The following PRPF19 variants were observed in gnomAD, a reference collection of about 807,000 sequenced individuals.
PRPF19 encodes pre-mRNA-processing factor 19.
In PRPF19, 2 loss-of-function variants were observed where a neutral mutation model predicts 64.2. The observed-to-expected ratio is 0.03, with a 90% CI of 0.01 to 0.10. The LOEUF (loss-of-function observed/expected upper bound fraction) is 0.10. Ranked by LOEUF, PRPF19 falls within the 10% of genes least tolerant of loss-of-function variation. The pLI, the probability that PRPF19 is intolerant of heterozygous loss-of-function variation, is 1.00. For missense variants in PRPF19, 314 were observed against 650.0 expected (o/e 0.48, Z 5.62); for synonymous variants, 226 against 251.6 (o/e 0.90, Z 0.96).
rs770338945 is a variant in PRPF19, at chr11:60,906,328, TCCTGAGA to T, written c.19+29_19+35del. 1.1e-4 allele frequency: 177 copies of T among 1,589,178 alleles called. 1 individual carries two copies. Among genetic ancestry groups the T allele is most frequent in the Admixed American group, 3.6e-4 (21 of 58,026 alleles). The stretch of plus-strand genomic sequence containing the variant: ...CACGCTCCCGCGCCGCTCTCTGGCC[TCCTGAGA>T]CCCGCGCTTGGCCGCAGCCAACACT... On this transcript the variant is annotated intron_variant, in intron 1 of 15. Transcript: ENST00000227524.
intron 15 of PRPF19, among the ~76,000 whole-genome samples, chr11:60,892,842 G>A (rs566388488): frequency 6.6e-6 from 1 of 152,270 alleles, no homozygotes; most frequent in African/African-American, 2.4e-5. Flanking sequence ...GCCAGTCTTT[G>A]TCACAGACTG....
At position 60,894,130 on chromosome 11, in the gene PRPF19, T is replaced by A. The variant is rs184026781; in HGVS notation, c.1418-2867A>T. ...GATGGCTGCTAACTGACAAGGGTGG[T>A]GTTTGCTGAAGGCTGAAGTGGCTGT... On this transcript the variant is annotated intron_variant, in intron 15 of 15. Transcript: ENST00000227524. 2.0e-4 allele frequency among the ~76,000 whole-genome samples: 31 copies of A among 152,312 alleles called. No homozygotes were observed. In the East Asian group the frequency reaches 3.5e-3, roughly 17 times the overall value.
At chr11:60,906,269 C>T in intron 1 of PRPF19, 95 bp downstream of exon 1, 1 of 1,481,280 alleles carries the variant, frequency 6.8e-7, no homozygotes, top group Non-Finnish European at 8.9e-7. Flanking sequence ...CCATTCCCGC[C>T]TCCACCCCGG....
At position 60,890,884 on chromosome 11, in the gene PRPF19, T is replaced by G; in HGVS notation, c.*282A>C. 3.6e-6 allele frequency: 2 copies of G among 555,244 alleles called. No individual in the cohort carries two copies. The highest frequency in any genetic ancestry group is 6.9e-6 in the Non-Finnish European group (2 of 291,754). 34.4% of individuals were successfully genotyped at this position (555,244 alleles called of 1,614,324 possible). The stretch of plus-strand genomic sequence containing the variant: ...TGTGGAACAGCCACCACCACGTCCA[T>G]TGAACGACAGGAAGGGAGAGGCCCT... On this transcript the variant is annotated 3_prime_UTR_variant, in exon 16 of 16. Coordinates refer to ENST00000227524, the MANE Select transcript of PRPF19 (RefSeq NM_014502.5).
rs778276626 is a variant in PRPF19 at position 60,903,442 on chromosome 11, C to A, written c.246+17G>T. On this transcript the variant is annotated intron_variant, in intron 3 of 15. Coordinates refer to ENST00000227524, the MANE Select transcript of PRPF19 (RefSeq NM_014502.5). ...TCTTCAAGTGGGGAAGATGCTGATT[C>A]TCTTGCAGGAACTCACCCACTCATC... 2.5e-6 allele frequency: 4 copies of A among 1,605,784 alleles called. No individual in the cohort carries two copies. In the Admixed American group the frequency reaches 5.0e-5, roughly 20 times the overall value.
chr11:60,892,654 T>G (rs975432453), intron 15 of PRPF19, among the ~76,000 whole-genome samples: 1 of 152,100 alleles, frequency 6.6e-6, no homozygotes, highest in African/African-American at 2.4e-5. Context: ...TACCCCAAAG[T>G]ATGGTGGTTT....
chr11:60,903,911 C>T, intron 1 of PRPF19, 50 bp from the exon 2 acceptor site: 1 of 1,583,502 alleles, frequency 6.3e-7, no homozygotes, highest in Non-Finnish European at 8.5e-7. Flanking sequence ...AATCTTGGGC[C>T]TAGAGGATTC....
Position 60,891,080 on chromosome 11 carries a change from C to CCA in PRPF19, c.*85_*86insTG. 2 of 185,966 alleles carry CCA rather than the reference C, an allele frequency of 1.1e-5. No individual in the cohort carries two copies. The highest frequency in any genetic ancestry group is 1.6e-3 in the Middle Eastern group (1 of 612). 11.5% of individuals were successfully genotyped at this position (185,966 alleles called of 1,614,324 possible). A position where few individuals can be genotyped will look rare whatever the true frequency, so the allele number is the denominator to read the frequency against. ...CCCACCCCACAGAGCCCCCTCCCCC[C>CCA]ATAGATTCCCCCCACCCCCCCCCCC... On this transcript the variant is annotated 3_prime_UTR_variant, in exon 16 of 16. Coordinates refer to ENST00000227524, the MANE Select transcript of PRPF19 (RefSeq NM_014502.5).
At chr11:60,899,125 C>T (rs760239434) in intron 11 of PRPF19, 24 bp downstream of exon 11, 2 of 1,603,782 alleles carry the variant, frequency 1.2e-6, no homozygotes, top group East Asian at 4.5e-5. Flanking sequence ...GCAGGCCTCT[C>T]CAGGGCACTG....
Position 60,890,986 on chromosome 11 carries a change from G to T in PRPF19, c.*180C>A, listed in dbSNP as rs1429667506. The T allele has an allele frequency of 3.2e-6, 2 of 624,896 alleles. No individual in the cohort carries two copies. Among genetic ancestry groups the T allele is most frequent in the Non-Finnish European group, 5.8e-6 (2 of 347,338 alleles). The allele number at this position is 624,896 out of a possible 1,614,324, so 38.7% of individuals were successfully genotyped here. A position where few individuals can be genotyped will look rare whatever the true frequency, so the allele number is the denominator to read the frequency against. On this transcript the variant is annotated 3_prime_UTR_variant, in exon 16 of 16. Coordinates refer to ENST00000227524, the MANE Select transcript of PRPF19 (RefSeq NM_014502.5). ...TTCCCATGGGGCCTGGAGTTGCATG[G>T]ATGAGGGTGGTCCATGCCACCATGG...
Position 60,902,994 on chromosome 11 carries a change from C to T in PRPF19, c.247-113G>A. 6.8e-7 allele frequency: 1 copy of T among 1,471,346 alleles called. No individual in the cohort carries two copies. Among genetic ancestry groups the T allele is most frequent in the Non-Finnish European group, 9.1e-7 (1 of 1,104,434 alleles). 91.1% of individuals were successfully genotyped at this position (1,471,346 alleles called of 1,614,324 possible). ...CCTATCCCAGAGCCTAGACCAGTAT[C>T]AGTGACCCAAACAATATCCGAGCAA... On this transcript the variant is annotated intron_variant, in intron 3 of 15. Transcript: ENST00000227524. This position sits in a 1 kb window ranked among gnomAD's most constrained non-coding sequence, Gnocchi z 5.0.
intron 10 of PRPF19, 109 bp from the exon 11 acceptor site, chr11:60,899,413 C>T: frequency 8.3e-7 from 1 of 1,208,374 alleles, no homozygotes; most frequent in South Asian, 1.5e-5. Context: ...ATTGCTTCTC[C>T]TTTCAGCTCT....
chr11:60,902,336 G>A lies in PRPF19; in HGVS notation c.525+67C>T, dbSNP rs1855991527. On this transcript the variant is annotated intron_variant, in intron 6 of 15. Coordinates refer to ENST00000227524, the MANE Select transcript of PRPF19 (RefSeq NM_014502.5). This position sits in a 1 kb window ranked among gnomAD's most constrained non-coding sequence, Gnocchi z 5.0. ...AAAGCACAGTGATTTTAGTCACGAT[G>A]GACTCCAGACAGATGGTGAAAAGTA... The A allele has an allele frequency of 6.5e-7, 1 of 1,526,894 alleles. No homozygotes were observed. The highest frequency in any genetic ancestry group is 9.1e-7 in the Non-Finnish European group (1 of 1,104,004). 94.6% of individuals were successfully genotyped at this position (1,526,894 alleles called of 1,614,324 possible).
chr11:60,900,732 A>G, intron 9 of PRPF19, 41 bp from the exon 10 acceptor site: 5 of 1,561,926 alleles, frequency 3.2e-6, no homozygotes, highest in Non-Finnish European at 4.4e-6. Context: ...AGTCAGGCCC[A>G]CCCAGGCCCT....
At chr11:60,899,874 C>T (rs1364961730) in intron 10 of PRPF19, among the ~76,000 whole-genome samples, 1 of 152,138 alleles carries the variant, frequency 6.6e-6, no homozygotes. Flanking sequence ...AAAATAACTA[C>T]CATCTTTTTT....
chr11:60,899,008 G>A (rs1249739775), intron 11 of PRPF19, 77 bp from the exon 12 acceptor site: 3 of 1,508,876 alleles, frequency 2.0e-6, no homozygotes, highest in Non-Finnish European at 2.7e-6. Context: ...GCAAGACAGA[G>A]CCCCTGGTTT....
chr11:60,897,055 C>T (rs1310125032), intron 15 of PRPF19, among the ~76,000 whole-genome samples: 3 of 152,156 alleles, frequency 2.0e-5, no homozygotes, highest in Non-Finnish European at 4.4e-5. Context: ...TCTACAGCAG[C>T]GTACAGTAAT....
intron 15 of PRPF19, among the ~76,000 whole-genome samples, chr11:60,892,243 T>C (rs1350944824): frequency 6.6e-6 from 1 of 152,224 alleles, no homozygotes. Context: ...ATGCTTTTCT[T>C]CTCTAGCACT....
intron 15 of PRPF19, among the ~76,000 whole-genome samples, chr11:60,893,771 A>G (rs543327087): frequency 6.6e-6 from 1 of 152,268 alleles, no homozygotes; most frequent in South Asian, 2.1e-4. Flanking sequence ...CCTGGCCAAC[A>G]TGGGGAAACC....
Sources: allele counts gnomAD v4.1 joint callset (sites outside exome capture counted in the v4.1 genomes callset), GRCh38; gene constraint gnomAD v4.1.1; non-coding constraint Gnocchi (gnomAD v3.1); transcripts MANE v1.5; gene names NCBI Gene and HGNC (gene_info 2026-07-23, HGNC 2026-07-21).